Variants in FHOD3 observed in about 807,000 individuals in gnomAD.
FHOD3 encodes FH1/FH2 domain-containing protein 3.
A neutral mutation model predicts 173.0 loss-of-function variants in FHOD3; 90 were observed. That is an observed-to-expected ratio of 0.52 (90% CI 0.44 to 0.62). FHOD3 has a LOEUF of 0.62. FHOD3 is among the 20% of genes least tolerant of loss of function. FHOD3 has a pLI of 0.00. For missense variants in FHOD3, 1,945 were observed against 2,034.7 expected (o/e 0.96, Z 0.85); for synonymous variants, 828 against 823.0 (o/e 1.01, Z -0.10).
chr18:36,339,931 A>C (rs965520472), intron 1 of FHOD3, among the ~76,000 whole-genome samples: 3 of 152,172 alleles, frequency 2.0e-5, no homozygotes, highest in African/African-American at 7.2e-5. Flanking sequence ...GAGTGACCCT[A>C]TGCATAAACC....
At chr18:36,672,555 C>A (rs1371816080) in intron 14 of FHOD3, among the ~76,000 whole-genome samples, 1 of 152,210 alleles carries the variant, frequency 6.6e-6, no homozygotes, top group Non-Finnish European at 1.5e-5. Context: ...CCAAGGGCAA[C>A]ATGGGAGCAA....
intron 1 of FHOD3, among the ~76,000 whole-genome samples, chr18:36,304,479 G>A (rs76882983): frequency 0.022 from 3,326 of 152,206 alleles, 118 homozygotes; most frequent in African/African-American, 0.077. Flanking sequence ...GTCCCCTTGG[G>A]ATCAGAGCTC....
At chr18:36,606,433 C>A (rs781706429) in intron 8 of FHOD3, among the ~76,000 whole-genome samples, 1 of 152,062 alleles carries the variant, frequency 6.6e-6, no homozygotes, top group Non-Finnish European at 1.5e-5. Flanking sequence ...CAGTAAGTAA[C>A]CCACTCCTGA....
intron 1 of FHOD3, among the ~76,000 whole-genome samples, chr18:36,349,965 A>T (rs2046043759): frequency 6.6e-6 from 1 of 152,070 alleles, no homozygotes; most frequent in African/African-American, 2.4e-5. Flanking sequence ...TTTGGTGGAG[A>T]TGGGGTTTCA....
chr18:36,312,824 G>A (rs1007800693), intron 1 of FHOD3, among the ~76,000 whole-genome samples: 4 of 152,184 alleles, frequency 2.6e-5, no homozygotes, highest in East Asian at 3.8e-4. Context: ...CACCCCAAAC[G>A]TAGTGGCTTC....
intron 1 of FHOD3, among the ~76,000 whole-genome samples, chr18:36,306,225 A>G (rs1275753349): frequency 3.3e-5 from 5 of 152,214 alleles, no homozygotes; most frequent in African/African-American, 1.2e-4. Flanking sequence ...GCAGTGTCCA[A>G]GTGGTGGAGA....
At chr18:36,729,716 T>C (rs2041257424) in intron 19 of FHOD3, among the ~76,000 whole-genome samples, 1 of 152,202 alleles carries the variant, frequency 6.6e-6, no homozygotes, top group Non-Finnish European at 1.5e-5. Context: ...CCTAAGTATC[T>C]CTAAAGGCCC....
chr18:36,515,576 G>A (rs938538828), intron 5 of FHOD3, among the ~76,000 whole-genome samples: 6 of 152,312 alleles, frequency 3.9e-5, no homozygotes, highest in African/African-American at 9.6e-5. Flanking sequence ...GGCAATTCCC[G>A]AATGTTTAAG....
At chr18:36,387,623 T>C (rs558520139) in intron 3 of FHOD3, among the ~76,000 whole-genome samples, 2 of 152,330 alleles carry the variant, frequency 1.3e-5, no homozygotes, top group Admixed American at 1.3e-4. Context: ...CCATCCACTT[T>C]CGTGATTCTA....
chr18:36,616,494 T>C (rs533587421), intron 9 of FHOD3, among the ~76,000 whole-genome samples: 49 of 152,354 alleles, frequency 3.2e-4, no homozygotes, highest in African/African-American at 1.2e-3. Context: ...TTTCCCTTCA[T>C]GCCAGACTTT....
chr18:36,774,956 G>T (rs182569309), intron 28 of FHOD3, among the ~76,000 whole-genome samples: 3 of 152,190 alleles, frequency 2.0e-5, no homozygotes, highest in African/African-American at 7.2e-5. Flanking sequence ...CATTTGGGAA[G>T]GCTGTGCATA....
chr18:36,680,216 C>T (rs16968159), intron 14 of FHOD3, among the ~76,000 whole-genome samples: 17,720 of 152,094 alleles, frequency 0.12, 1,348 homozygotes, highest in Non-Finnish European at 0.17. Flanking sequence ...CTCCATTTTC[C>T]CTGCCACCTA....
At chr18:36,661,714 T>C (rs1282541338) in intron 14 of FHOD3, among the ~76,000 whole-genome samples, 1 of 152,196 alleles carries the variant, frequency 6.6e-6, no homozygotes, top group African/African-American at 2.4e-5. Flanking sequence ...TGTTAGATGT[T>C]GATAAAACTT....
chr18:36,568,015 G>A (rs575470170), intron 5 of FHOD3, among the ~76,000 whole-genome samples: 7 of 151,820 alleles, frequency 4.6e-5, no homozygotes, highest in African/African-American at 1.2e-4. Flanking sequence ...CAGCTCTCTG[G>A]CTGAAGGACT....
At chr18:36,708,160 A>G (rs141109555) in intron 17 of FHOD3, among the ~76,000 whole-genome samples, 31 of 152,376 alleles carry the variant, frequency 2.0e-4, no homozygotes, top group Middle Eastern at 3.4e-3. Flanking sequence ...GAGTGAGAAC[A>G]TGATCATCTT....
At chr18:36,712,741 G>T (rs1430212034) in intron 18 of FHOD3, among the ~76,000 whole-genome samples, 1 of 151,716 alleles carries the variant, frequency 6.6e-6, no homozygotes, top group Non-Finnish European at 1.5e-5. Flanking sequence ...TTGTCAAAAG[G>T]TATAAACTCA....
At chr18:36,661,460 T>A (rs1164960305) in intron 14 of FHOD3, among the ~76,000 whole-genome samples, 1 of 152,216 alleles carries the variant, frequency 6.6e-6, no homozygotes, top group Non-Finnish European at 1.5e-5. Flanking sequence ...ATTTCTGCAA[T>A]GAGGATGCGC....
chr18:36,448,528 C>T (rs2051633264), intron 3 of FHOD3, among the ~76,000 whole-genome samples: 1 of 152,164 alleles, frequency 6.6e-6, no homozygotes, highest in Admixed American at 6.5e-5. Context: ...GCATCTCTCC[C>T]ACATGACTCT....
chr18:36,608,075 C>G (rs1202710696), intron 8 of FHOD3, among the ~76,000 whole-genome samples: 1 of 152,206 alleles, frequency 6.6e-6, no homozygotes, highest in African/African-American at 2.4e-5. Context: ...TTTCCAGCCT[C>G]TACCTGTTAC....
Sources: gnomAD v4.1 joint callset for allele counts (sites outside exome capture counted in the v4.1 genomes callset) on GRCh38, gnomAD v4.1.1 for gene constraint, MANE v1.5 for transcripts, NCBI Gene and HGNC (gene_info 2026-07-23, HGNC 2026-07-21) for gene names.